SIPA1L2: variants seen among roughly 807,000 people sequenced by gnomAD.
SIPA1L2 encodes signal induced proliferation associated 1 like 2.
In SIPA1L2, 56 loss-of-function variants were observed where a neutral mutation model predicts 163.9. The ratio of observed to expected loss-of-function variants is 0.34; its 90% CI spans 0.28 to 0.43. SIPA1L2 has a LOEUF of 0.43. Among genes scored for constraint, SIPA1L2 ranks in the 20% least tolerant of loss-of-function variants. The probability of loss-of-function intolerance (pLI) is 1.00; values close to 1 mark genes in which losing one functional copy is unlikely to be tolerated. For missense variants in SIPA1L2, 1,974 were observed against 2,193.5 expected, an observed-to-expected ratio of 0.90 and a Z score of 2.00; for synonymous variants, 877 against 865.7, an observed-to-expected ratio of 1.01 and a Z score of -0.23.
In SIPA1L2 at chr1:232,486,030, A is replaced by G. The variant is rs539497539; in HGVS notation, c.1807-2064T>C. ...GAGACCATTGCCAGTGCCATGTGCC[A>G]CATCATCTGAAGGCCATCTTTGTCT... On this transcript the variant is annotated intron_variant, in intron 5 of 22. Transcript: ENST00000674635. Among the ~76,000 whole-genome samples the G allele has an allele frequency of 7.2e-5, 11 of 152,274 alleles. No homozygotes were observed. The South Asian group carries it at 2.1e-3, about 29-fold the overall frequency.
At chr1:232,553,270 C>T (rs1003525826) in intron 2 of SIPA1L2, among the ~76,000 whole-genome samples, 7 of 152,176 alleles carry the variant, frequency 4.6e-5, no homozygotes, top group African/African-American at 1.7e-4. Flanking sequence ...TATTCAGATG[C>T]TCCTCCTCGT....
chr1:232,468,529 T>C (rs183870400), intron 8 of SIPA1L2, among the ~76,000 whole-genome samples: 3 of 152,186 alleles, frequency 2.0e-5, no homozygotes, highest in Admixed American at 6.5e-5. Context: ...AATAGTATCA[T>C]ACCCAAAAGC....
At position 232,448,334 on chromosome 1, in the gene SIPA1L2, C is replaced by T. The variant is rs181569864; in HGVS notation, c.3096-2548G>A. Reference sequence around the variant, plus strand: ...ACCATGTTGGCAAACCAGTCAGCATCCCAAGCCAGTGCCTCTCCCTAGACA... The same window carrying T: ...ACCATGTTGGCAAACCAGTCAGCATTCCAAGCCAGTGCCTCTCCCTAGACA... On this transcript the variant is annotated intron_variant, in intron 10 of 22. Transcript: ENST00000674635. Among the ~76,000 whole-genome samples, 34 of 152,308 alleles carry T rather than the reference C, an allele frequency of 2.2e-4. No homozygotes were observed. In the East Asian group the frequency reaches 2.5e-3, roughly 11 times the overall value.
At chr1:232,558,987 C>T (rs1430302614) in intron 2 of SIPA1L2, among the ~76,000 whole-genome samples, 1 of 152,166 alleles carries the variant, frequency 6.6e-6, no homozygotes, top group Non-Finnish European at 1.5e-5. Flanking sequence ...TTGCAAAAAC[C>T]AGCCCAAGGC....
At chr1:232,413,098 G>GA (rs1472408264) in intron 19 of SIPA1L2, among the ~76,000 whole-genome samples, 1 of 152,184 alleles carries the variant, frequency 6.6e-6, no homozygotes, top group African/African-American at 2.4e-5. Context: ...TGTTGATAAT[G>GA]AAACCACAGA....
At position 232,460,975 on chromosome 1, in the gene SIPA1L2, T is replaced by A. The variant is rs2102918467; in HGVS notation, c.3007A>T (p.Thr1003Ser). 2 of 1,614,214 alleles carry A rather than the reference T, an allele frequency of 1.2e-6. No individual in the cohort carries two copies. Among genetic ancestry groups the A allele is most frequent in the East Asian group, 4.5e-5 (2 of 44,878 alleles). The change falls in exon 10 of 23, where the codon ACC (threonine) becomes TCC (serine). Residue 1003 changes from threonine to serine, a missense_variant. Thr to Ser is a moderately conservative substitution (Grantham distance 58). Transcript: ENST00000674635. ...AGCAGGTCGATCATCTGCTCGTGGGTCAGAGTGGCCACGGCTACTTTGCAG... is the reference window on the plus strand; with the variant it reads ...AGCAGGTCGATCATCTGCTCGTGGGACAGAGTGGCCACGGCTACTTTGCAG... ...EICKVAVATL[T>S]HEQMIDLLRT... is the part of the protein sequence containing the mutation.
chr1:232,615,902 C>G (rs1218003571), intron 1 of SIPA1L2, among the ~76,000 whole-genome samples: 3 of 152,136 alleles, frequency 2.0e-5, no homozygotes, highest in African/African-American at 7.2e-5. Flanking sequence ...AGAACTGTGT[C>G]TGGTAAAAAA....
chr1:232,399,854 C>T (rs1397159922), intron 22 of SIPA1L2, among the ~76,000 whole-genome samples: 2 of 152,128 alleles, frequency 1.3e-5, no homozygotes, highest in Non-Finnish European at 2.9e-5. Flanking sequence ...TTCAGTTCCC[C>T]CCCTGCTGAA....
chr1:232,504,309 C>T (rs776932028), intron 3 of SIPA1L2, among the ~76,000 whole-genome samples: 2 of 152,144 alleles, frequency 1.3e-5, no homozygotes, highest in Non-Finnish European at 2.9e-5. Context: ...AAGGCCGAGG[C>T]AGGTGGATCA....
intron 3 of SIPA1L2, among the ~76,000 whole-genome samples, chr1:232,512,401 C>T (rs780659133): frequency 2.6e-5 from 4 of 152,134 alleles, no homozygotes; most frequent in Non-Finnish European, 5.9e-5. Context: ...AATCATTCTA[C>T]TATAAAGGCA....
chr1:232,428,007 G>A (rs983067106), intron 17 of SIPA1L2, among the ~76,000 whole-genome samples: 6 of 152,226 alleles, frequency 3.9e-5, no homozygotes, highest in African/African-American at 7.2e-5. Context: ...TCCAGGAGCT[G>A]TACTAGGCTC....
At chr1:232,588,665 T>C (rs530360493) in intron 1 of SIPA1L2, among the ~76,000 whole-genome samples, 10 of 152,350 alleles carry the variant, frequency 6.6e-5, no homozygotes, top group African/African-American at 2.4e-4. Context: ...GCACTCCCTT[T>C]TCCAACTACA....
At chr1:232,477,085 C>G (rs1230326940) in intron 7 of SIPA1L2, among the ~76,000 whole-genome samples, 2 of 152,090 alleles carry the variant, frequency 1.3e-5, no homozygotes, top group Non-Finnish European at 2.9e-5. Flanking sequence ...AACACATGTC[C>G]CCAGATTGCA....
At chr1:232,435,665 C>G (rs1343099089) in intron 15 of SIPA1L2, among the ~76,000 whole-genome samples, 1 of 152,134 alleles carries the variant, frequency 6.6e-6, no homozygotes, top group Non-Finnish European at 1.5e-5. Context: ...TTTTGCAAAG[C>G]CTTAGTTAGG....
chr1:232,573,387 GGTAAAAGGTCATGAA>G (rs1558278434), intron 2 of SIPA1L2, among the ~76,000 whole-genome samples: 1 of 152,190 alleles, frequency 6.6e-6, no homozygotes, highest in Non-Finnish European at 1.5e-5. Flanking sequence ...AGTGCTTAGG[GGTAAAAGGTCATGAA>G]GTTTGTAACC....
chr1:232,450,431 G>A (rs1440886611), intron 10 of SIPA1L2, among the ~76,000 whole-genome samples: 2 of 152,178 alleles, frequency 1.3e-5, no homozygotes, highest in Non-Finnish European at 2.9e-5. Context: ...TATGACAGTA[G>A]ATAATAAAAC....
At chr1:232,469,120 C>T (rs565544139) in intron 8 of SIPA1L2, among the ~76,000 whole-genome samples, 28 of 152,292 alleles carry the variant, frequency 1.8e-4, no homozygotes, top group African/African-American at 6.7e-4. Context: ...ATCTCAACCG[C>T]ACAGCCCCTT....
At chr1:232,609,818 A>T in intron 1 of SIPA1L2, among the ~76,000 whole-genome samples, 1 of 139,900 alleles carries the variant, frequency 7.1e-6, no homozygotes. Flanking sequence ...CGACAGTGCG[A>T]GACTCCATCT....
chr1:232,616,596 G>A (rs1274134994), intron 1 of SIPA1L2, among the ~76,000 whole-genome samples: 6 of 152,236 alleles, frequency 3.9e-5, no homozygotes, highest in Admixed American at 2.6e-4. Context: ...ACACGTGTCA[G>A]GTGGAGGAGA....
Sources: allele counts gnomAD v4.1 joint callset (sites outside exome capture counted in the v4.1 genomes callset), GRCh38; gene constraint gnomAD v4.1.1; transcripts MANE v1.5; gene names NCBI Gene and HGNC (gene_info 2026-07-23, HGNC 2026-07-21).